Variants in FBP2 observed in about 807,000 individuals in gnomAD.
The protein encoded by FBP2 is fructose-1,6-bisphosphatase isozyme 2.
FBP2 carries 27 observed loss-of-function variants against 31.6 expected under a neutral mutation model. The ratio of observed to expected loss-of-function variants is 0.85; its 90% confidence interval spans 0.63 to 1.18. The LOEUF is 1.18. FBP2 is among the 50% of genes most tolerant of loss of function. FBP2 has a pLI of 0.00. For missense variants in FBP2, 421 were observed against 436.1 expected (o/e 0.97, Z 0.31); for synonymous variants, 168 against 179.8 (o/e 0.93, Z 0.53).
chr9:94,575,443 G>A (rs935957849), intron 3 of FBP2, among the ~76,000 whole-genome samples: 1 of 152,286 alleles, frequency 6.6e-6, no homozygotes, highest in East Asian at 1.9e-4. Context: ...TTTTACCTAT[G>A]TTGTTATACA....
intron 4 of FBP2, chr9:94,568,822 A>G (rs142615314): frequency 4.3e-4 from 66 of 152,268 alleles, no homozygotes; most frequent in African/African-American, 1.5e-3. Flanking sequence ...AAAATGATTA[A>G]GGTAACTAGT....
chr9:94,560,030 T>C (rs1827073803), intron 6 of FBP2, among the ~76,000 whole-genome samples: 1 of 152,108 alleles, frequency 6.6e-6, no homozygotes. Context: ...GAAGCTGAAG[T>C]GGGAGGATCA....
Position 94,580,229 on chromosome 9 carries a change from TTTTA to T in FBP2, c.426+4344_426+4347del, listed in dbSNP as rs895613992. Among the ~76,000 whole-genome samples, 7 of 152,332 alleles carry T rather than the reference TTTTA, an allele frequency of 4.6e-5. No individual in the cohort carries two copies. In the East Asian group the frequency reaches 9.6e-4, roughly 21 times the overall value. On this transcript the variant is annotated intron_variant, in intron 3 of 6. Coordinates refer to ENST00000375337, the MANE Select transcript of FBP2 (RefSeq NM_003837.4). The stretch of plus-strand genomic sequence containing the variant: ...CAACCATATAACGTTCTGTATTGCC[TTTTA>T]TTTGTTTGTTTGTTTGAGACAGAAT...
chr9:94,559,821 A>G (rs1827067585), intron 6 of FBP2, among the ~76,000 whole-genome samples: 1 of 152,010 alleles, frequency 6.6e-6, no homozygotes, highest in South Asian at 2.1e-4. Context: ...TCACTGTACT[A>G]TCTGTATTCT....
intron 4 of FBP2, chr9:94,567,707 T>C: frequency 3.1e-6 from 1 of 324,156 alleles, no homozygotes; most frequent in Non-Finnish European, 5.7e-6. Context: ...GGCTCCTCAT[T>C]TATGGTGAAC....
rs532727717 is a variant in FBP2, at chr9:94,565,953, C to T, written c.705+1317G>A. Among the ~76,000 whole-genome samples, 15 of 152,228 alleles carry T rather than the reference C, an allele frequency of 9.9e-5. No individual in the cohort carries two copies. In the East Asian group the frequency reaches 2.7e-3, roughly 27 times the overall value. ...TTTTACAACATTGGGGAGAAACATC[C>T]TTGGCCCACATCTGCTTATTTTGAG... On this transcript the variant is annotated intron_variant, in intron 5 of 6. Coordinates refer to ENST00000375337, the MANE Select transcript of FBP2 (RefSeq NM_003837.4).
intron 3 of FBP2, among the ~76,000 whole-genome samples, chr9:94,575,407 T>C (rs988468282): frequency 1.3e-5 from 2 of 152,234 alleles, no homozygotes; most frequent in African/African-American, 2.4e-5. Flanking sequence ...GTATGGCTTA[T>C]GATTTTCAAG....
chr9:94,561,902 T>A (rs1332567288), intron 6 of FBP2, among the ~76,000 whole-genome samples: 1 of 152,196 alleles, frequency 6.6e-6, no homozygotes, highest in Non-Finnish European at 1.5e-5. Context: ...GACATGAGTA[T>A]GTGATCCCAT....
chr9:94,570,372 C>G (rs1411645205), intron 4 of FBP2: 1 of 152,180 alleles, frequency 6.6e-6, no homozygotes, highest in Non-Finnish European at 1.5e-5. Flanking sequence ...TGACCTTGCG[C>G]AAGTTACTCA....
intron 4 of FBP2, chr9:94,570,447 C>A (rs660911): frequency 0.48 from 73,503 of 151,616 alleles, 18,375 homozygotes; most frequent in East Asian, 0.6. Flanking sequence ...TCTCATAGGG[C>A]CACTGTGACA....
chr9:94,565,863 G>C (rs1020107638), intron 5 of FBP2, among the ~76,000 whole-genome samples: 2 of 152,092 alleles, frequency 1.3e-5, no homozygotes, highest in African/African-American at 4.8e-5. Flanking sequence ...TAACTTGGGG[G>C]AGGAGAGCAA....
intron 2 of FBP2, among the ~76,000 whole-genome samples, chr9:94,586,192 T>C (rs1015620623): frequency 6.6e-6 from 1 of 151,994 alleles, no homozygotes; most frequent in Non-Finnish European, 1.5e-5. Context: ...CTGGCCAACA[T>C]GGCGAAACCC....
In FBP2 at chr9:94,593,540, T is replaced by G; in HGVS notation, c.170+17A>C. ...CCTGGGGTGCTCTGTGCCCCATGCC[T>G]GCTCCCCAGGACTCACAGGTGGGCC... On this transcript the variant is annotated intron_variant, in intron 1 of 6. Coordinates refer to ENST00000375337, the MANE Select transcript of FBP2 (RefSeq NM_003837.4). 1.2e-6 allele frequency: 2 copies of G among 1,608,022 alleles called. No individual in the cohort carries two copies. The highest frequency in any genetic ancestry group is 2.2e-5 in the South Asian group (2 of 90,312).
chr9:94,592,201 A>G (rs1158537136), intron 1 of FBP2, among the ~76,000 whole-genome samples: 1 of 152,184 alleles, frequency 6.6e-6, no homozygotes, highest in Non-Finnish European at 1.5e-5. Context: ...CGTGGCTGTT[A>G]TTGCCAAATG....
At chr9:94,582,674 A>G (rs529471111) in intron 3 of FBP2, among the ~76,000 whole-genome samples, 25 of 151,592 alleles carry the variant, frequency 1.6e-4, no homozygotes, top group African/African-American at 6.1e-4. Flanking sequence ...CAGCCTCCCA[A>G]GTAGCTGGGA....
chr9:94,587,475 A>T lies in FBP2; in HGVS notation c.171-6T>A. ...CGCTTCCTGCGATTCCATACCTGAGAAGACAAAAGGCTGAATGAGGAAGTC... is the reference window on the plus strand; with the variant it reads ...CGCTTCCTGCGATTCCATACCTGAGTAGACAAAAGGCTGAATGAGGAAGTC... On this transcript the variant is annotated splice_polypyrimidine_tract_variant and splice_region_variant and intron_variant, in intron 1 of 6. Coordinates refer to ENST00000375337, the MANE Select transcript of FBP2 (RefSeq NM_003837.4). 6.2e-7 allele frequency: 1 copy of T among 1,613,880 alleles called. No homozygotes were observed. Among genetic ancestry groups the T allele is most frequent in the Non-Finnish European group, 8.5e-7 (1 of 1,179,950 alleles).
chr9:94,589,380 C>T (rs1827465801), intron 1 of FBP2, among the ~76,000 whole-genome samples: 1 of 152,192 alleles, frequency 6.6e-6, no homozygotes, highest in African/African-American at 2.4e-5. Context: ...CCCTGGTCCT[C>T]TCAAGTGGGC....
intron 3 of FBP2, among the ~76,000 whole-genome samples, chr9:94,573,817 A>G (rs1172280877): frequency 6.6e-6 from 1 of 152,238 alleles, no homozygotes; most frequent in Non-Finnish European, 1.5e-5. Flanking sequence ...TTTTTGTATC[A>G]GGATAACACT....
intron 1 of FBP2, among the ~76,000 whole-genome samples, chr9:94,587,963 C>T (rs1444591546): frequency 1.3e-5 from 2 of 152,190 alleles, no homozygotes; most frequent in African/African-American, 2.4e-5. Flanking sequence ...GTTCTCCTGC[C>T]TCAGCCTCCG....
Sources: allele counts gnomAD v4.1 joint callset (sites outside exome capture counted in the v4.1 genomes callset), GRCh38; gene constraint gnomAD v4.1.1; transcripts MANE v1.5; gene names NCBI Gene and HGNC (gene_info 2026-07-23, HGNC 2026-07-21).